H4C16: variants seen among roughly 807,000 people sequenced by gnomAD.
The protein encoded by H4C16 is H4 histone 16.
chr12:14,771,046 C>T, the H4C16 span: 2 of 1,611,036 alleles, frequency 1.2e-6, no homozygotes, highest in East Asian at 4.5e-5. Flanking sequence ...TGGCGCCTCC[C>T]TTACCCAGCC....
the H4C16 span, chr12:14,771,131 T>G: frequency 6.5e-7 from 1 of 1,533,672 alleles, no homozygotes; most frequent in Admixed American, 2.0e-5. Context: ...CTGCCCACTG[T>G]GATTGCCAGT....
At chr12:14,771,091 A>C in the H4C16 span, 1 of 1,583,062 alleles carries the variant, frequency 6.3e-7, no homozygotes, top group East Asian at 2.3e-5. Flanking sequence ...ACATTCTGAA[A>C]TCACAGCGCC....
chr12:14,771,117 C>T, the H4C16 span: 1 of 1,554,058 alleles, frequency 6.4e-7, no homozygotes, highest in Non-Finnish European at 8.7e-7. Context: ...AGCAGAAAAT[C>T]GGGCTGCCCA....
the H4C16 span, chr12:14,771,045 C>T: frequency 5.6e-6 from 9 of 1,611,246 alleles, no homozygotes; most frequent in South Asian, 8.8e-5. Flanking sequence ...TTGGCGCCTC[C>T]CTTACCCAGC....
At chr12:14,771,097 G>A in the H4C16 span, 13 of 1,573,586 alleles carry the variant, frequency 8.3e-6, no homozygotes, top group East Asian at 4.5e-5. Flanking sequence ...TGAAATCACA[G>A]CGCCTACTCA....
At chr12:14,770,941 A>G in the H4C16 span, 1 of 1,614,242 alleles carries the variant, frequency 6.2e-7, no homozygotes, top group Non-Finnish European at 8.5e-7. Context: ...AGATGAGACC[A>G]GAAATGCGCT....
the H4C16 span, chr12:14,771,026 C>T: frequency 3.1e-6 from 5 of 1,613,652 alleles, no homozygotes; most frequent in South Asian, 2.2e-5. Context: ...CAGCACCTTC[C>T]GGTGGCGCTT....
chr12:14,770,751 G>A, the H4C16 span: 4 of 1,592,470 alleles, frequency 2.5e-6, no homozygotes, highest in Non-Finnish European at 3.4e-6. Flanking sequence ...TTTGGAGTCT[G>A]TAGAGAAGCT....
At chr12:14,771,014 C>T in the H4C16 span, 27 of 1,613,992 alleles carry the variant, frequency 1.7e-5, no homozygotes, top group Non-Finnish European at 2.1e-5. Context: ...GATATTGTCC[C>T]GCAGCACCTT....
chr12:14,771,066 C>T, the H4C16 span: 3 of 1,601,780 alleles, frequency 1.9e-6, no homozygotes, highest in African/African-American at 1.3e-5. Context: ...CCCTTGCCAC[C>T]TTTACCTCGC....
the H4C16 span, chr12:14,770,956 G>A: frequency 1.2e-6 from 2 of 1,614,210 alleles, no homozygotes; most frequent in Admixed American, 1.7e-5. Flanking sequence ...TGCGCTTGAC[G>A]CCCCCACGTC....
chr12:14,771,054 G>T, the H4C16 span: 2 of 1,607,776 alleles, frequency 1.2e-6, no homozygotes, highest in Non-Finnish European at 1.7e-6. Context: ...CCCTTACCCA[G>T]CCCCTTGCCA....
At chr12:14,770,920 G>C in the H4C16 span, 1 of 1,614,192 alleles carries the variant, frequency 6.2e-7, no homozygotes, top group East Asian at 2.2e-5. Context: ...GGACTCCCCG[G>C]GTCTCCTCGT....
the H4C16 span, chr12:14,771,109 C>T: frequency 2.6e-6 from 4 of 1,563,098 alleles, no homozygotes; most frequent in South Asian, 1.2e-5. Flanking sequence ...GCCTACTCAG[C>T]AGAAAATCGG....
the H4C16 span, chr12:14,770,833 G>T: frequency 3.1e-6 from 5 of 1,614,120 alleles, no homozygotes; most frequent in Non-Finnish European, 4.2e-6. Flanking sequence ...CCACATCCAT[G>T]GCCGTGACGG....
the H4C16 span, chr12:14,770,743 T>G: frequency 6.4e-7 from 1 of 1,565,108 alleles, no homozygotes; most frequent in African/African-American, 1.4e-5. Flanking sequence ...AAGGGCCTTT[T>G]GGAGTCTGTA....
At chr12:14,771,112 A>G in the H4C16 span, 1 of 1,560,882 alleles carries the variant, frequency 6.4e-7, no homozygotes, top group Non-Finnish European at 8.7e-7. Flanking sequence ...TACTCAGCAG[A>G]AAATCGGGCT....
the H4C16 span, chr12:14,770,802 C>T: frequency 6.2e-7 from 1 of 1,613,858 alleles, no homozygotes; most frequent in Non-Finnish European, 8.5e-7. Context: ...AGGGTGCGAC[C>T]CTGGCGTTTC....
chr12:14,771,026 C>A, the H4C16 span: 2 of 1,613,534 alleles, frequency 1.2e-6, no homozygotes, highest in African/African-American at 1.3e-5. Context: ...CAGCACCTTC[C>A]GGTGGCGCTT....
Sources: gnomAD v4.1 joint callset for allele counts on GRCh38, gnomAD v4.1.1 for gene constraint, MANE v1.5 for transcripts, NCBI Gene and HGNC (gene_info 2026-07-23, HGNC 2026-07-21) for gene names.